ROR2: variants seen among roughly 807,000 people sequenced by gnomAD.
ROR2 encodes tyrosine-protein kinase transmembrane receptor ROR2.
ROR2 carries 33 observed loss-of-function variants against 74.9 expected under a neutral mutation model. That is an observed-to-expected ratio of 0.44 (90% confidence interval 0.33 to 0.59). ROR2 has a LOEUF of 0.59. ROR2 is among the 20% of genes least tolerant of loss of function. The pLI is 0.02. For missense variants in ROR2, 1,216 were observed against 1,313.8 expected, an observed-to-expected ratio of 0.93 and a Z score of 1.15; for synonymous variants, 586 against 558.7, an observed-to-expected ratio of 1.05 and a Z score of -0.69.
chr9:91,943,964 G>A (rs927986624), intron 1 of ROR2, among the ~76,000 whole-genome samples: 9 of 152,142 alleles, frequency 5.9e-5, no homozygotes, highest in Admixed American at 3.9e-4. Flanking sequence ...AAGACTGAAA[G>A]CTTTTCCTCC....
At chr9:91,895,477 C>T (rs908213644) in intron 1 of ROR2, among the ~76,000 whole-genome samples, 4 of 152,126 alleles carry the variant, frequency 2.6e-5, no homozygotes, top group African/African-American at 9.7e-5. Flanking sequence ...GGATGTTGGG[C>T]AGGTTACAGG....
At chr9:91,782,597 A>T (rs1343304134) in intron 1 of ROR2, among the ~76,000 whole-genome samples, 1 of 149,632 alleles carries the variant, frequency 6.7e-6, no homozygotes, top group African/African-American at 2.5e-5. Flanking sequence ...AAAAAAAAAA[A>T]AAAAAAAAAC....
intron 1 of ROR2, among the ~76,000 whole-genome samples, chr9:91,853,305 G>A (rs1203367028): frequency 2.6e-5 from 4 of 152,194 alleles, no homozygotes; most frequent in East Asian, 1.9e-4. Flanking sequence ...AAAGGTGACC[G>A]TGCTGTGAAT....
rs535024985 is a variant in ROR2 at position 91,806,780 on chromosome 9, G to A, written c.98-30962C>T. Reference sequence around the variant, plus strand: ...AATTTTTTGTATTTTTAGTAGAGACGGGGTTTCACCGTGTTAGCCAGGATG... The same window carrying A: ...AATTTTTTGTATTTTTAGTAGAGACAGGGTTTCACCGTGTTAGCCAGGATG... On this transcript the variant is annotated intron_variant, in intron 1 of 8. Transcript: ENST00000375708. Among the ~76,000 whole-genome samples, 8 of 151,974 alleles carry A rather than the reference G, an allele frequency of 5.3e-5. No homozygotes were observed. The East Asian group carries it at 7.7e-4, about 15-fold the overall frequency.
intron 1 of ROR2, among the ~76,000 whole-genome samples, chr9:91,949,219 AC>A (rs1313963218): frequency 1.1e-4 from 17 of 151,292 alleles, no homozygotes; most frequent in Non-Finnish European, 4.4e-5. Context: ...CACTTCGGCC[AC>A]CCCAGAGCGG....
chr9:91,799,665 C>A (rs1459352433), intron 1 of ROR2, among the ~76,000 whole-genome samples: 1 of 152,180 alleles, frequency 6.6e-6, no homozygotes, highest in African/African-American at 2.4e-5. Context: ...CAAGTAGGGA[C>A]AAGGAAAGCT....
intron 1 of ROR2, among the ~76,000 whole-genome samples, chr9:91,786,233 GAGA>G (rs1478568312): frequency 1.3e-5 from 2 of 148,518 alleles, no homozygotes; most frequent in Non-Finnish European, 3.0e-5. Flanking sequence ...AGACTGAGGT[GAGA>G]AGATCGCTTG....
chr9:91,737,125 G>A (rs1046543093), intron 5 of ROR2, among the ~76,000 whole-genome samples: 8 of 152,328 alleles, frequency 5.3e-5, no homozygotes, highest in East Asian at 3.9e-4. Context: ...GGACCCACAC[G>A]GTTTGGCTGA....
intron 1 of ROR2, among the ~76,000 whole-genome samples, chr9:91,853,002 A>G (rs1050410513): frequency 6.6e-6 from 1 of 152,190 alleles, no homozygotes; most frequent in Non-Finnish European, 1.5e-5. Flanking sequence ...AGGCTGGCGG[A>G]GCGCGAGGTT....
At chr9:91,750,091 G>C (rs1825553026) in intron 4 of ROR2, among the ~76,000 whole-genome samples, 1 of 152,190 alleles carries the variant, frequency 6.6e-6, no homozygotes, top group East Asian at 1.9e-4. Flanking sequence ...TAGTAGAGAT[G>C]GGGTTTCACG....
intron 1 of ROR2, among the ~76,000 whole-genome samples, chr9:91,844,804 T>C (rs943900358): frequency 6.6e-6 from 1 of 152,110 alleles, no homozygotes; most frequent in Non-Finnish European, 1.5e-5. Context: ...GTAATGATTT[T>C]CTATACTCCC....
rs1587723999 is a variant in ROR2, at chr9:91,793,295, A to C, written c.98-17477T>G. On this transcript the variant is annotated intron_variant, in intron 1 of 8. Transcript: ENST00000375708. Reference sequence around the variant, plus strand: ...GATCCAAATATGTATGAAAACAAAGATTATTAATAAGGCAATTTTTCAACT... The same window carrying C: ...GATCCAAATATGTATGAAAACAAAGCTTATTAATAAGGCAATTTTTCAACT... Among the ~76,000 whole-genome samples the C allele has an allele frequency of 2.0e-5, 3 of 152,192 alleles. No individual in the cohort carries two copies. The South Asian group carries it at 6.2e-4, about 31-fold the overall frequency.
chr9:91,932,022 G>C (rs1478495427), intron 1 of ROR2, among the ~76,000 whole-genome samples: 1 of 152,060 alleles, frequency 6.6e-6, no homozygotes, highest in Non-Finnish European at 1.5e-5. Context: ...GAATTTTCCA[G>C]AAATAACACC....
chr9:91,935,440 T>C (rs1678789137), intron 1 of ROR2, among the ~76,000 whole-genome samples: 1 of 152,174 alleles, frequency 6.6e-6, no homozygotes, highest in African/African-American at 2.4e-5. Context: ...CCTTCCTCCA[T>C]TTGGTCCTAA....
chr9:91,779,747 T>C (rs1267897659), intron 1 of ROR2, among the ~76,000 whole-genome samples: 1 of 152,158 alleles, frequency 6.6e-6, no homozygotes, highest in Non-Finnish European at 1.5e-5. Context: ...ACCCTAACCC[T>C]ATGAACAGAA....
At chr9:91,805,720 C>A (rs1327586564) in intron 1 of ROR2, among the ~76,000 whole-genome samples, 1 of 152,216 alleles carries the variant, frequency 6.6e-6, no homozygotes, top group Non-Finnish European at 1.5e-5. Context: ...CACCCACACA[C>A]ACACATATGC....
At chr9:91,831,730 G>A (rs772069831) in intron 1 of ROR2, among the ~76,000 whole-genome samples, 1 of 152,038 alleles carries the variant, frequency 6.6e-6, no homozygotes. Flanking sequence ...CAGGAGAATC[G>A]CTTGAACCCA....
At chr9:91,921,941 T>C (rs142354522) in intron 1 of ROR2, among the ~76,000 whole-genome samples, 4 of 118,964 alleles carry the variant, frequency 3.4e-5, no homozygotes, top group African/African-American at 3.8e-5. Context: ...AGGATCTGAA[T>C]AGACATTTCT....
intron 1 of ROR2, among the ~76,000 whole-genome samples, chr9:91,782,658 C>T (rs989974863): frequency 2.6e-5 from 4 of 151,020 alleles, no homozygotes; most frequent in Admixed American, 6.6e-5. Flanking sequence ...TCAAAGCCGT[C>T]CTGGGCTGCA....
Sources: gnomAD v4.1 joint callset for allele counts (sites outside exome capture counted in the v4.1 genomes callset) on GRCh38, gnomAD v4.1.1 for gene constraint, MANE v1.5 for transcripts, NCBI Gene and HGNC (gene_info 2026-07-23, HGNC 2026-07-21) for gene names.